RGS6: variants seen among roughly 807,000 people sequenced by gnomAD.
RGS6 encodes regulator of G protein signaling 6, also known as regulator of G-protein signaling 6.
In RGS6, 30 loss-of-function variants were observed where a neutral mutation model predicts 78.5. That is an observed-to-expected ratio of 0.38 (90% CI 0.29 to 0.52). The LOEUF is 0.52. Among genes scored for constraint, RGS6 ranks in the 20% least tolerant of loss-of-function variants. RGS6 has a pLI of 0.85. For synonymous variants in RGS6, 206 were observed against 206.0 expected, an observed-to-expected ratio of 1.00 and a Z score of 0.00; for missense variants, 495 against 609.7, an observed-to-expected ratio of 0.81 and a Z score of 1.98.
intron 13 of RGS6, among the ~76,000 whole-genome samples, chr14:72,500,950 C>A (rs1329199913): frequency 6.6e-6 from 1 of 152,080 alleles, no homozygotes; most frequent in Admixed American, 6.6e-5. Flanking sequence ...CGATATGTAC[C>A]CATTTTTCAA....
intron 3 of RGS6, among the ~76,000 whole-genome samples, chr14:72,391,007 G>C (rs1011995659): frequency 6.6e-6 from 1 of 152,130 alleles, no homozygotes; most frequent in African/African-American, 2.4e-5. Context: ...AGCTTACAAG[G>C]GTGTTGTCCT....
intron 2 of RGS6, among the ~76,000 whole-genome samples, chr14:72,050,241 A>C (rs1381576492): frequency 6.6e-6 from 1 of 152,256 alleles, no homozygotes; most frequent in Non-Finnish European, 1.5e-5. Flanking sequence ...ACAACGGACT[A>C]TATCTCCTTT....
intron 2 of RGS6, among the ~76,000 whole-genome samples, chr14:72,050,372 A>G (rs749342750): frequency 2.5e-4 from 38 of 152,310 alleles, no homozygotes; most frequent in Admixed American, 8.5e-4. Context: ...AGCATGGAAG[A>G]TAAATTATAT....
At chr14:72,356,186 C>T (rs779802254) in intron 3 of RGS6, among the ~76,000 whole-genome samples, 3 of 151,936 alleles carry the variant, frequency 2.0e-5, no homozygotes, top group African/African-American at 7.3e-5. Flanking sequence ...AATTATAATC[C>T]CCACATGGCA....
chr14:71,918,184 C>CAAAAAAAA, the RGS6 span, among the ~76,000 whole-genome samples: 22 of 33,724 alleles, frequency 6.5e-4, 5 homozygotes, highest in Non-Finnish European at 1.0e-3. Flanking sequence ...ACTCCAGTCT[C>CAAAAAAAA]AAAAAAAAAA....
the RGS6 span, among the ~76,000 whole-genome samples, chr14:72,622,763 C>T: frequency 2.0e-5 from 3 of 152,122 alleles, no homozygotes; most frequent in East Asian, 1.9e-4. Flanking sequence ...CCTATTACTA[C>T]AGTTCCAGCA....
intron 3 of RGS6, among the ~76,000 whole-genome samples, chr14:72,411,155 T>C (rs969851608): frequency 2.0e-5 from 3 of 152,224 alleles, no homozygotes; most frequent in African/African-American, 7.2e-5. Context: ...ATAAATCACC[T>C]TGGGCGGTAT....
downstream of RGS6, among the ~76,000 whole-genome samples, chr14:72,568,629 C>G (rs951267622): frequency 6.6e-6 from 1 of 152,144 alleles, no homozygotes; most frequent in Non-Finnish European, 1.5e-5. Flanking sequence ...AGCAGAGTGG[C>G]GGGCCGGAGG....
downstream of RGS6, among the ~76,000 whole-genome samples, chr14:72,569,094 C>A (rs978535621): frequency 6.7e-6 from 1 of 148,288 alleles, no homozygotes; most frequent in South Asian, 2.1e-4. Context: ...CAGGGAGGAA[C>A]CTGTGAGATT....
intron 2 of RGS6, among the ~76,000 whole-genome samples, chr14:72,204,744 C>T (rs2042330477): frequency 6.6e-6 from 1 of 152,178 alleles, no homozygotes; most frequent in South Asian, 2.1e-4. Flanking sequence ...CTAATCACCT[C>T]CCAAAAGCCC....
In RGS6 at chr14:72,318,181, G is replaced by T. The variant is rs546852573; in HGVS notation, c.85-33914G>T. On this transcript the variant is annotated intron_variant, in intron 2 of 17. Coordinates refer to ENST00000553525, the MANE Select transcript of RGS6 (RefSeq NM_001204424.2). ...GTGGGGAGGGAAAGATCCCACCTCA[G>T]CCCAAGAACTTGGAGCTGAAGAACT... is the stretch of plus-strand genomic sequence containing the variant. 3.3e-5 allele frequency among the ~76,000 whole-genome samples: 5 copies of T among 152,082 alleles called. No individual in the cohort carries two copies. The East Asian group carries it at 5.8e-4, about 18-fold the overall frequency.
At chr14:72,475,092 C>A (rs1045530847) in intron 10 of RGS6, among the ~76,000 whole-genome samples, 19 of 151,920 alleles carry the variant, frequency 1.3e-4, no homozygotes, top group Non-Finnish European at 2.6e-4. Context: ...TTGCAGTTGT[C>A]CTGGGGAGGT....
chr14:72,559,136 C>T (rs571854827), intron 17 of RGS6, among the ~76,000 whole-genome samples: 4 of 152,318 alleles, frequency 2.6e-5, no homozygotes, highest in Admixed American at 2.6e-4. Context: ...AAACTGGAGA[C>T]AGAGATGAGA....
intron 2 of RGS6, among the ~76,000 whole-genome samples, chr14:72,081,519 T>C (rs971549973): frequency 6.6e-6 from 1 of 152,138 alleles, no homozygotes; most frequent in Non-Finnish European, 1.5e-5. Context: ...GTTCTCTTTA[T>C]TCAGATGTGT....
chr14:71,935,925 T>C (rs760669366), intron 1 of RGS6, among the ~76,000 whole-genome samples: 1 of 149,680 alleles, frequency 6.7e-6, no homozygotes, highest in Non-Finnish European at 1.5e-5. Flanking sequence ...ATCTAACAAG[T>C]CCCTGGATGA....
At chr14:71,998,439 T>C (rs900890996) in intron 2 of RGS6, among the ~76,000 whole-genome samples, 2 of 152,132 alleles carry the variant, frequency 1.3e-5, no homozygotes, top group Admixed American at 1.3e-4. Flanking sequence ...CAGAACAATA[T>C]AGAACTAAGG....
chr14:72,169,811 T>C (rs952991801), intron 2 of RGS6, among the ~76,000 whole-genome samples: 18 of 152,310 alleles, frequency 1.2e-4, no homozygotes, highest in Admixed American at 3.9e-4. Context: ...ATGCAGAGTA[T>C]AGGGGCACAT....
At chr14:72,198,481 A>G (rs1048818427) in intron 2 of RGS6, among the ~76,000 whole-genome samples, 1 of 152,368 alleles carries the variant, frequency 6.6e-6, no homozygotes, top group Non-Finnish European at 1.5e-5. Context: ...TAGTTGTACT[A>G]TTCTATTGCT....
At chr14:72,091,920 T>C (rs1242435915) in intron 2 of RGS6, among the ~76,000 whole-genome samples, 1 of 152,228 alleles carries the variant, frequency 6.6e-6, no homozygotes. Context: ...AGTCAGATCA[T>C]TGACAAATGA....
Sources: allele counts gnomAD v4.1 joint callset (sites outside exome capture counted in the v4.1 genomes callset), GRCh38; gene constraint gnomAD v4.1.1; transcripts MANE v1.5; gene names NCBI Gene and HGNC (gene_info 2026-07-23, HGNC 2026-07-21).